Variants in RAB28 observed in about 807,000 individuals in gnomAD.
RAB28 encodes the protein RAB28, member RAS oncogene family, also known as ras-related protein Rab-28.
In RAB28, 24 loss-of-function variants were observed where a neutral mutation model predicts 31.7. That is an observed-to-expected ratio of 0.76 (90% CI 0.55 to 1.06). The LOEUF (loss-of-function observed/expected upper bound fraction) is 1.06, where lower values mean the gene tolerates loss of function less well. Among genes scored for constraint, RAB28 ranks in the 50% least tolerant of loss-of-function variants. RAB28 has a pLI of 0.00. For synonymous variants in RAB28, 100 were observed against 90.4 expected, an observed-to-expected ratio of 1.11 and a Z score of -0.60; for missense variants, 254 against 258.5, an observed-to-expected ratio of 0.98 and a Z score of 0.12.
intron 4 of RAB28, among the ~76,000 whole-genome samples, chr4:13,409,429 T>C (rs1712295631): frequency 6.6e-6 from 1 of 152,206 alleles, no homozygotes; most frequent in African/African-American, 2.4e-5. Context: ...ATGACAAACC[T>C]GAACTCACAC....
In RAB28 at chr4:13,384,588, C is replaced by A. The variant is rs143705752; in HGVS notation, c.392-2994G>T. Among the ~76,000 whole-genome samples the A allele has an allele frequency of 5.3e-5, 8 of 152,256 alleles. No individual in the cohort carries two copies. In the East Asian group the frequency reaches 1.5e-3, roughly 29 times the overall value. On this transcript the variant is annotated intron_variant, in intron 4 of 6. Transcript: ENST00000330852. ...GTCCCCCAGATTTAGAGCATGCAGT[C>A]CAGGAGCTGGGAGCTGAGGCTTGGC... is the stretch of plus-strand genomic sequence containing the variant.
intron 4 of RAB28, among the ~76,000 whole-genome samples, chr4:13,404,503 C>A (rs1452475557): frequency 1.3e-5 from 2 of 152,050 alleles, no homozygotes; most frequent in Admixed American, 6.6e-5. Context: ...AAATTAAACA[C>A]AAAATTTAAT....
chr4:13,405,995 G>C (rs1484763712), intron 4 of RAB28, among the ~76,000 whole-genome samples: 1 of 151,648 alleles, frequency 6.6e-6, no homozygotes, highest in Non-Finnish European at 1.5e-5. Flanking sequence ...CTACAAAACA[G>C]AACCTTTTTA....
intron 4 of RAB28, among the ~76,000 whole-genome samples, chr4:13,411,845 T>C (rs1712457619): frequency 6.6e-6 from 1 of 151,536 alleles, no homozygotes; most frequent in Non-Finnish European, 1.5e-5. Flanking sequence ...GACTGAAAAA[T>C]AAGATCAAAT....
At chr4:13,433,612 C>T (rs76137419) in intron 4 of RAB28, among the ~76,000 whole-genome samples, 2,175 of 151,918 alleles carry the variant, frequency 0.014, 53 homozygotes, top group African/African-American at 0.049. Context: ...CAATGAAATA[C>T]AATCTCACAC....
chr4:13,444,249 G>A (rs1249743308), intron 4 of RAB28, among the ~76,000 whole-genome samples: 6 of 151,744 alleles, frequency 4.0e-5, no homozygotes, highest in East Asian at 1.9e-4. Context: ...GGATGGTCTC[G>A]ATCTCCTGAC....
rs192319622 is a variant in RAB28 at position 13,437,792 on chromosome 4, T to G, written c.391+22907A>C. Among the ~76,000 whole-genome samples the G allele has an allele frequency of 2.0e-3, 302 of 152,256 alleles. 1 individual carries two copies. The highest frequency in any genetic ancestry group is 3.4e-3 in the Middle Eastern group (1 of 294). On this transcript the variant is annotated intron_variant, in intron 4 of 6. Transcript: ENST00000330852. ...ACCTCTACAGAAAACTGTACAGAGA[T>G]TTCTCAAAGAACTAGAAATAAAACT...
At chr4:13,391,124 T>C (rs1425682852) in intron 4 of RAB28, among the ~76,000 whole-genome samples, 5 of 152,142 alleles carry the variant, frequency 3.3e-5, no homozygotes, top group Admixed American at 2.6e-4. Flanking sequence ...AGGCAACCTG[T>C]AGAATGGGAG....
intron 4 of RAB28, among the ~76,000 whole-genome samples, chr4:13,453,610 T>C (rs1252381911): frequency 1.3e-5 from 2 of 152,136 alleles, no homozygotes; most frequent in Non-Finnish European, 2.9e-5. Flanking sequence ...TCTAATATTC[T>C]TGGCTGACGG....
At chr4:13,456,110 T>C (rs538743100) in intron 4 of RAB28, among the ~76,000 whole-genome samples, 85 of 152,290 alleles carry the variant, frequency 5.6e-4, no homozygotes, top group African/African-American at 1.9e-3. Context: ...TCTCAACCTT[T>C]CAGCAAATTT....
intron 4 of RAB28, among the ~76,000 whole-genome samples, chr4:13,432,330 GAGAAAA>G (rs1713855217): frequency 1.3e-5 from 2 of 151,988 alleles, no homozygotes; most frequent in African/African-American, 4.8e-5. Flanking sequence ...ATTCCTGAGA[GAGAAAA>G]AGAAAAAGTA....
intron 3 of RAB28, among the ~76,000 whole-genome samples, chr4:13,463,980 C>A (rs563562978): frequency 7.2e-5 from 11 of 152,004 alleles, no homozygotes; most frequent in African/African-American, 2.7e-4. Context: ...TTGGACTGAT[C>A]AGAAAACTGA....
intron 4 of RAB28, among the ~76,000 whole-genome samples, chr4:13,394,963 C>T (rs1729807945): frequency 6.6e-6 from 1 of 152,076 alleles, no homozygotes; most frequent in South Asian, 2.1e-4. Flanking sequence ...TCCAATTTCA[C>T]ACACACACAA....
At chr4:13,401,018 G>C (rs1426127238) in intron 4 of RAB28, among the ~76,000 whole-genome samples, 2 of 152,142 alleles carry the variant, frequency 1.3e-5, no homozygotes, top group Non-Finnish European at 2.9e-5. Flanking sequence ...ATATTGGTCT[G>C]TAGTTTTCTT....
chr4:13,419,121 A>G (rs1279499272), intron 4 of RAB28, among the ~76,000 whole-genome samples: 1 of 152,148 alleles, frequency 6.6e-6, no homozygotes, highest in South Asian at 2.1e-4. Flanking sequence ...TAAAACAGAC[A>G]TTAAAAAAAC....
chr4:13,402,186 T>C (rs1389951519), intron 4 of RAB28, among the ~76,000 whole-genome samples: 1 of 152,246 alleles, frequency 6.6e-6, no homozygotes, highest in Non-Finnish European at 1.5e-5. Context: ...ATACTTCATC[T>C]GCACTTGAAA....
At chr4:13,407,476 T>C (rs1712166973) in intron 4 of RAB28, among the ~76,000 whole-genome samples, 1 of 152,216 alleles carries the variant, frequency 6.6e-6, no homozygotes, top group African/African-American at 2.4e-5. Flanking sequence ...CTTCGGATTG[T>C]CTTGCCTATA....
intron 6 of RAB28, chr4:13,371,826 T>C (rs1044999051): frequency 1.4e-5 from 21 of 1,547,434 alleles, no homozygotes; most frequent in Non-Finnish European, 1.4e-5. Context: ...GCACACTCGA[T>C]TATTCTCTAT....
chr4:13,407,582 T>C (rs1712175369), intron 4 of RAB28, among the ~76,000 whole-genome samples: 2 of 152,356 alleles, frequency 1.3e-5, no homozygotes, highest in Admixed American at 6.5e-5. Flanking sequence ...GCATTGAATC[T>C]ATAAATCACT....
Sources: gnomAD v4.1 joint callset for allele counts (sites outside exome capture counted in the v4.1 genomes callset) on GRCh38, gnomAD v4.1.1 for gene constraint, MANE v1.5 for transcripts, NCBI Gene and HGNC (gene_info 2026-07-23, HGNC 2026-07-21) for gene names.